ARL8B: variants seen among roughly 807,000 people sequenced by gnomAD.
The protein encoded by ARL8B is ARF like GTPase 8B, also known as ADP-ribosylation factor-like protein 8B.
Under a neutral mutation model 30.6 loss-of-function variants are expected in ARL8B, and 9 were observed. The observed-to-expected ratio is 0.29, with a 90% CI of 0.18 to 0.51. ARL8B has a LOEUF of 0.51. Among genes scored for constraint, ARL8B ranks in the 20% least tolerant of loss-of-function variants. The pLI, the probability that ARL8B is intolerant of heterozygous loss-of-function variation, is 0.97. For synonymous variants in ARL8B, 74 were observed against 76.0 expected (o/e 0.97, Z 0.14); for missense variants, 130 against 227.2 (o/e 0.57, Z 2.75).
At chr3:5,166,824 A>G (rs1187290515) in intron 1 of ARL8B, among the ~76,000 whole-genome samples, 1 of 152,226 alleles carries the variant, frequency 6.6e-6, no homozygotes, top group Non-Finnish European at 1.5e-5. Context: ...TGGCACTGAT[A>G]GAACTTTCTA....
rs1297966576 is a variant in ARL8B at position 5,179,910 on chromosome 3, T to C, written c.*1197T>C. On this transcript the variant is annotated 3_prime_UTR_variant, in exon 7 of 7. Coordinates refer to ENST00000256496, the MANE Select transcript of ARL8B (RefSeq NM_018184.3). Reference sequence around the variant, plus strand: ...TGATGCTGTTTGTTTGCTTCTATGATACAGAGATGTCTAAAAACTTCAAAT... The same window carrying C: ...TGATGCTGTTTGTTTGCTTCTATGACACAGAGATGTCTAAAAACTTCAAAT... 2 of 152,626 alleles carry C rather than the reference T, an allele frequency of 1.3e-5. No individual in the cohort carries two copies. Among genetic ancestry groups the C allele is most frequent in the Non-Finnish European group, 2.9e-5 (2 of 68,032 alleles). 9.5% of individuals were successfully genotyped at this position (152,626 alleles called of 1,614,324 possible). A position where few individuals can be genotyped will look rare whatever the true frequency, so the allele number is the denominator to read the frequency against.
intron 1 of ARL8B, among the ~76,000 whole-genome samples, chr3:5,144,281 T>C (rs967527944): frequency 4.6e-5 from 7 of 152,350 alleles, no homozygotes; most frequent in Non-Finnish European, 7.3e-5. Flanking sequence ...GTAAATACTT[T>C]AGTTTTCCTA....
At position 5,180,339 on chromosome 3, in the gene ARL8B, A is replaced by T. The variant is rs1031427105; in HGVS notation, c.*1626A>T. 8.5e-5 allele frequency: 13 copies of T among 152,420 alleles called. No individual in the cohort carries two copies. The highest frequency in any genetic ancestry group is 4.1e-4 in the South Asian group (2 of 4,830). The allele number at this position is 152,420 out of a possible 1,614,324, so 9.4% of individuals were successfully genotyped here. ...TATTCTTTGAAGCATGTTGCATACT[A>T]CCCTGGTGGGATGGATGGTTCTGTA... On this transcript the variant is annotated 3_prime_UTR_variant, in exon 7 of 7. Coordinates refer to ENST00000256496, the MANE Select transcript of ARL8B (RefSeq NM_018184.3).
chr3:5,153,703 C>A (rs1315391394), intron 1 of ARL8B, among the ~76,000 whole-genome samples: 2 of 152,086 alleles, frequency 1.3e-5, no homozygotes, highest in Admixed American at 6.5e-5. Context: ...ATTATATTTA[C>A]CCAGGTATTT....
intron 1 of ARL8B, among the ~76,000 whole-genome samples, chr3:5,138,412 A>G (rs1411176450): frequency 6.6e-6 from 1 of 152,208 alleles, no homozygotes; most frequent in Non-Finnish European, 1.5e-5. Flanking sequence ...GTTTAAACTT[A>G]GGTTCAAATT....
chr3:5,138,014 G>T (rs1352372636), intron 1 of ARL8B, among the ~76,000 whole-genome samples: 2 of 147,624 alleles, frequency 1.4e-5, no homozygotes, highest in Admixed American at 6.7e-5. Context: ...AGAGGTTTTT[G>T]TTGTTGTTGT....
intron 1 of ARL8B, among the ~76,000 whole-genome samples, chr3:5,129,633 TGG>T (rs965980420): frequency 3.3e-5 from 5 of 152,116 alleles, no homozygotes; most frequent in Non-Finnish European, 5.9e-5. Flanking sequence ...CTCCACCTCC[TGG>T]GCCCTGGCTC....
intron 6 of ARL8B, among the ~76,000 whole-genome samples, chr3:5,176,827 G>A (rs2054734214): frequency 6.6e-6 from 1 of 152,108 alleles, no homozygotes; most frequent in South Asian, 2.1e-4. Context: ...CTACATCAGT[G>A]GTTCTCAATG....
chr3:5,132,246 A>C (rs1181428776), intron 1 of ARL8B, among the ~76,000 whole-genome samples: 2 of 151,204 alleles, frequency 1.3e-5, no homozygotes, highest in African/African-American at 2.4e-5. Flanking sequence ...CATATTCCCT[A>C]TGATCATCAT....
chr3:5,128,518 A>T (rs1191396734), intron 1 of ARL8B: 2 of 442,234 alleles, frequency 4.5e-6, no homozygotes, highest in Non-Finnish European at 4.5e-6. Flanking sequence ...GCAATAATGC[A>T]TTCTAAATGC....
At chr3:5,175,738 G>A (rs987353798) in intron 6 of ARL8B, among the ~76,000 whole-genome samples, 1 of 152,172 alleles carries the variant, frequency 6.6e-6, no homozygotes, top group Non-Finnish European at 1.5e-5. Context: ...CCTCTCTCTA[G>A]CTTGTGGTGG....
intron 3 of ARL8B, 96 bp from the exon 4 acceptor site, chr3:5,172,551 T>G: frequency 1.2e-6 from 1 of 846,158 alleles, no homozygotes; most frequent in South Asian, 1.7e-5. Context: ...ATAATTTCAA[T>G]AATGTAAATC....
intron 1 of ARL8B, among the ~76,000 whole-genome samples, chr3:5,124,390 G>A (rs989799673): frequency 6.7e-6 from 1 of 150,176 alleles, no homozygotes; most frequent in African/African-American, 2.5e-5. Flanking sequence ...ACAGGCATGA[G>A]CCACCGTTCC....
intron 1 of ARL8B, among the ~76,000 whole-genome samples, chr3:5,156,202 C>T (rs1334295491): frequency 1.3e-5 from 2 of 152,040 alleles, no homozygotes; most frequent in Non-Finnish European, 2.9e-5. Flanking sequence ...CGCACTTGGC[C>T]TAAGATAATT....
intron 1 of ARL8B, among the ~76,000 whole-genome samples, chr3:5,136,467 C>T (rs1282023935): frequency 6.6e-6 from 1 of 152,172 alleles, no homozygotes; most frequent in African/African-American, 2.4e-5. Context: ...AAATCTAATT[C>T]TTCCGCCTCC....
chr3:5,146,237 C>G (rs2054417672), intron 1 of ARL8B, among the ~76,000 whole-genome samples: 1 of 152,196 alleles, frequency 6.6e-6, no homozygotes, highest in African/African-American at 2.4e-5. Context: ...TCTTTTAGAT[C>G]TACCACACTG....
chr3:5,156,081 T>C (rs1207368887), intron 1 of ARL8B, among the ~76,000 whole-genome samples: 1 of 152,084 alleles, frequency 6.6e-6, no homozygotes, highest in Non-Finnish European at 1.5e-5. Flanking sequence ...TTTTGTATTT[T>C]TGTTAGAGAT....
intron 1 of ARL8B, among the ~76,000 whole-genome samples, chr3:5,127,872 CAAAAAAAAAAAAAAA>C (rs748657502): frequency 9.5e-5 from 1 of 10,578 alleles, no homozygotes; most frequent in East Asian, 3.5e-3. Flanking sequence ...GACTCCGTCT[CAAAAAAAAAAAAAAA>C]AAAAAAAAAA....
At chr3:5,169,529 A>G (rs372626326) in intron 1 of ARL8B, among the ~76,000 whole-genome samples, 4 of 148,222 alleles carry the variant, frequency 2.7e-5, no homozygotes, top group East Asian at 2.0e-4. Flanking sequence ...AAGAGTTCCT[A>G]TTTCTCTGCA....
Sources: gnomAD v4.1 joint callset for allele counts (sites outside exome capture counted in the v4.1 genomes callset) on GRCh38, gnomAD v4.1.1 for gene constraint, MANE v1.5 for transcripts, NCBI Gene and HGNC (gene_info 2026-07-23, HGNC 2026-07-21) for gene names.